BIRC6: variants seen among roughly 807,000 people sequenced by gnomAD.
BIRC6 encodes baculoviral IAP repeat containing 6.
A neutral mutation model predicts 503.3 loss-of-function variants in BIRC6; 98 were observed. That is an observed-to-expected ratio of 0.19 (90% CI 0.17 to 0.23). BIRC6 has a LOEUF of 0.23. Among genes scored for constraint, BIRC6 ranks in the 10% least tolerant of loss-of-function variants. The pLI, the probability that BIRC6 is intolerant of heterozygous loss-of-function variation, is 1.00. For synonymous variants in BIRC6, 2,240 were observed against 2,078.7 expected (o/e 1.08, Z -2.11); for missense variants, 5,360 against 5,806.0 (o/e 0.92, Z 2.50).
At chr2:32,517,815 C>T (rs2055219797) in intron 55 of BIRC6, among the ~76,000 whole-genome samples, 1 of 152,050 alleles carries the variant, frequency 6.6e-6, no homozygotes, top group Non-Finnish European at 1.5e-5. Context: ...TTCCTGGGCT[C>T]AAATGATCTC....
intron 39 of BIRC6, among the ~76,000 whole-genome samples, 180 bp downstream of exon 39, chr2:32,482,762 T>G (rs1309566245): frequency 1.3e-5 from 2 of 152,198 alleles, no homozygotes; most frequent in African/African-American, 4.8e-5. Flanking sequence ...AACTTCTATC[T>G]TTTTGGTTCT....
chr2:32,529,815 C>T lies in BIRC6; in HGVS notation c.12085C>T (p.Pro4029Ser). 6.2e-7 allele frequency: 1 copy of T among 1,602,518 alleles called. No homozygotes were observed. Among genetic ancestry groups the T allele is most frequent in the Non-Finnish European group, 8.5e-7 (1 of 1,174,446 alleles). Reference protein sequence around the residue: ...SKTDSYKRLHPEKDHGDLLAS... With the variant: ...SKTDSYKRLHSEKDHGDLLAS... ...AACAGATTCTTATAAAAGACTACAC[C>T]CTGAAAAAGGTATGTGCATAATACT... The change falls in exon 60 of 74, where the codon CCT (proline) becomes TCT (serine). Residue 4029 changes from proline to serine, a missense_variant. By Grantham distance (74) the Pro-to-Ser change is moderately conservative. This residue lies in a region of BIRC6 where 878 missense variants were observed against 928.9 expected (regional missense o/e 0.95). Coordinates refer to ENST00000421745, the MANE Select transcript of BIRC6 (RefSeq NM_016252.4).
At chr2:32,425,327 TG>T (rs2043362806) in intron 10 of BIRC6, among the ~76,000 whole-genome samples, 1 of 152,164 alleles carries the variant, frequency 6.6e-6, no homozygotes, top group African/African-American at 2.4e-5. Context: ...CTTTAGTTTT[TG>T]TCCATTGTTC....
chr2:32,601,363 C>A (rs1235766975), intron 70 of BIRC6, among the ~76,000 whole-genome samples: 5 of 152,332 alleles, frequency 3.3e-5, no homozygotes, highest in Admixed American at 3.3e-4. Flanking sequence ...GGGTGGATCA[C>A]CTGAGGTCGG....
chr2:32,401,565 T>C lies in BIRC6; in HGVS notation c.1360T>C (p.Leu454=). Residue 454 remains leucine (L), a synonymous_variant, in exon 8 of 74, where the codon TTG becomes CTG. Transcript: ENST00000421745. ...SSGVDSRRPT[L]AWLEDSSSCS... ...AGGAGTTGATTCAAGGAGACCAACTTTGGCGTGGCTGGAGGACTCCTCTAG... is the reference window on the plus strand; with the variant it reads ...AGGAGTTGATTCAAGGAGACCAACTCTGGCGTGGCTGGAGGACTCCTCTAG... The C allele has an allele frequency of 6.2e-7, 1 of 1,614,012 alleles. No homozygotes were observed. Among genetic ancestry groups the C allele is most frequent in the Non-Finnish European group, 8.5e-7 (1 of 1,179,888 alleles).
Position 32,499,602 on chromosome 2 carries a change from T to C in BIRC6, c.8524T>C (p.Phe2842Leu). The C allele has an allele frequency of 3.1e-6, 5 of 1,613,866 alleles. No individual in the cohort carries two copies. The highest frequency in any genetic ancestry group is 4.2e-6 in the Non-Finnish European group (5 of 1,179,808). The change falls in exon 46 of 74, where the codon TTC becomes CTC. Residue 2842 changes from phenylalanine to leucine, a missense_variant. This residue lies in a region of BIRC6 where 2,299 missense variants were observed against 2,267.2 expected (regional missense o/e 1.01). Coordinates refer to ENST00000421745, the MANE Select transcript of BIRC6 (RefSeq NM_016252.4). Reference sequence around the variant, plus strand: ...CGATGCCCAAGTGAAGCTCTTAGAATTCACTCTGGAGCAGAATTTTGAAGT... The same window carrying C: ...CGATGCCCAAGTGAAGCTCTTAGAACTCACTCTGGAGCAGAATTTTGAAGT... The part of the protein sequence containing the change: ...PLDAQVKLLE[F>L]TLEQNFEVVS...
At chr2:32,555,634 A>G (rs983283781) in intron 65 of BIRC6, among the ~76,000 whole-genome samples, 3 of 151,840 alleles carry the variant, frequency 2.0e-5, no homozygotes, top group Non-Finnish European at 2.9e-5. Context: ...TCTCAAAAAA[A>G]TAAAAAAATA....
chr2:32,561,660 G>T (rs1488207973), intron 65 of BIRC6, among the ~76,000 whole-genome samples: 1 of 149,536 alleles, frequency 6.7e-6, no homozygotes, highest in East Asian at 2.0e-4. Flanking sequence ...TGAACCTAAA[G>T]TTTTTTTTAA....
At chr2:32,395,129 G>T (rs571223097) in intron 5 of BIRC6, among the ~76,000 whole-genome samples, 7 of 152,220 alleles carry the variant, frequency 4.6e-5, no homozygotes, top group Non-Finnish European at 1.0e-4. Context: ...CTCCAGCCTG[G>T]GTGACAGAGC....
chr2:32,514,270 A>G (rs567092834), intron 54 of BIRC6, among the ~76,000 whole-genome samples: 6 of 152,294 alleles, frequency 3.9e-5, no homozygotes, highest in African/African-American at 9.6e-5. Context: ...ACACTGACCT[A>G]TGATGATGGC....
At chr2:32,518,630 T>C (rs1261520194) in intron 56 of BIRC6, among the ~76,000 whole-genome samples, 187 bp from the exon 57 acceptor site, 1 of 151,902 alleles carries the variant, frequency 6.6e-6, no homozygotes, top group South Asian at 2.1e-4. Flanking sequence ...TGGAAAAAAA[T>C]GAAAAAAGGT....
rs142140493 is a variant in BIRC6, at chr2:32,364,617, C to CT, written c.325+7141dup. ...TTTTCTTTTCCTATATAGATAGTGACTTTTTTTTTTCCACTGGGTTTTTAG... is the reference window on the plus strand; with the variant it reads ...TTTTCTTTTCCTATATAGATAGTGACTTTTTTTTTTTCCACTGGGTTTTTAG... On this transcript the variant is annotated intron_variant, in intron 1 of 73. Transcript: ENST00000421745. 7.3e-5 allele frequency among the ~76,000 whole-genome samples: 11 copies of CT among 150,080 alleles called. No homozygotes were observed. In the East Asian group the frequency reaches 7.8e-4, roughly 11 times the overall value.
intron 2 of BIRC6, among the ~76,000 whole-genome samples, chr2:32,378,395 C>T (rs559755135): frequency 1.3e-5 from 2 of 151,700 alleles, no homozygotes; most frequent in Non-Finnish European, 2.9e-5. Context: ...AGAGGTGGTT[C>T]TTTCTTTCTT....
rs144031748 is a variant in BIRC6, at chr2:32,525,640, C to G, written c.11920+12C>G. On this transcript the variant is annotated intron_variant, in intron 59 of 73. Transcript: ENST00000421745. ...CAAACTCTTGGCAGGTAATATTCCT[C>G]AATGAATAAACGTCAAAGAAATTTT... 99 of 1,603,372 alleles carry G rather than the reference C, an allele frequency of 6.2e-5. No homozygotes were observed. In the African/African-American group the frequency reaches 1.2e-3, roughly 20 times the overall value.
Position 32,470,293 on chromosome 2 carries a change from G to A in BIRC6, c.6473G>A (p.Arg2158Lys). The change falls in exon 31 of 74, where the codon AGG becomes AAG. Residue 2158 changes from arginine (R) to lysine (K), a missense_variant. This residue lies in a region of BIRC6 where 2,299 missense variants were observed against 2,267.2 expected (regional missense o/e 1.01). Coordinates refer to ENST00000421745, the MANE Select transcript of BIRC6 (RefSeq NM_016252.4). ...PLQPQLPMHR[R>K]TEGVLDIPMI... Reference sequence around the variant, plus strand: ...CAGCCACAGTTACCCATGCATAGGAGGACAGAAGGTATTAAGAGAAAGCAG... The same window carrying A: ...CAGCCACAGTTACCCATGCATAGGAAGACAGAAGGTATTAAGAGAAAGCAG... The A allele has an allele frequency of 6.4e-7, 1 of 1,565,964 alleles. No individual in the cohort carries two copies.
chr2:32,567,974 T>C (rs1189162664), intron 65 of BIRC6, among the ~76,000 whole-genome samples: 5 of 152,110 alleles, frequency 3.3e-5, no homozygotes, highest in Admixed American at 2.0e-4. Flanking sequence ...TAGCCAGGCA[T>C]GGTGGCGGGC....
chr2:32,523,730 G>C (rs762775790), intron 57 of BIRC6, among the ~76,000 whole-genome samples: 1 of 152,166 alleles, frequency 6.6e-6, no homozygotes, highest in African/African-American at 2.4e-5. Flanking sequence ...ATAAAAGACC[G>C]GGTCATAATT....
rs1443482825 is a variant in BIRC6 at position 32,473,174 on chromosome 2, G to T, written c.6655G>T (p.Gly2219Cys). The T allele has an allele frequency of 6.4e-7, 1 of 1,570,934 alleles. No homozygotes were observed. The highest frequency in any genetic ancestry group is 2.3e-5 in the East Asian group (1 of 43,454). ...HTQSLNRSSK[G>C]SSSLDRLYSR... ...TCAGAGCTTAAATAGATCTTCTAAA[G>T]GCAGCAGTAGCCTTGATAGATTATA... Residue 2219 changes from glycine to cysteine, a missense_variant, in exon 33 of 74, where the codon GGC (glycine) becomes TGC (cysteine). By Grantham distance (159) the Gly-to-Cys change is radical (BLOSUM62 -3). Coordinates refer to ENST00000421745, the MANE Select transcript of BIRC6 (RefSeq NM_016252.4).
Position 32,518,370 on chromosome 2 carries a change from G to T in BIRC6, c.11466G>T (p.Val3822=), listed in dbSNP as rs755156162. 3.7e-6 allele frequency: 6 copies of T among 1,609,296 alleles called. No individual in the cohort carries two copies. In the Admixed American group the frequency reaches 1.0e-4, roughly 27 times the overall value. The part of the protein sequence containing the change: ...FLQLMLEDEK[V]TMFLQSPCPL... Reference sequence around the variant, plus strand: ...AGTTGATGCTGGAAGATGAGAAAGTGACAATGTTTCTTCAGTCTCCATGTC... The same window carrying T: ...AGTTGATGCTGGAAGATGAGAAAGTTACAATGTTTCTTCAGTCTCCATGTC... Residue 3822 remains valine, a synonymous_variant, in exon 56 of 74, where the codon GTG becomes GTT. Transcript: ENST00000421745.
Sources: allele counts gnomAD v4.1 joint callset (sites outside exome capture counted in the v4.1 genomes callset), GRCh38; gene constraint gnomAD v4.1.1; regional missense constraint gnomAD v4.1.1; transcripts MANE v1.5; gene names NCBI Gene and HGNC (gene_info 2026-07-23, HGNC 2026-07-21).